The following GPHN variants were observed in gnomAD, a reference collection of about 807,000 sequenced individuals.
GPHN encodes gephyrin.
A neutral mutation model predicts 95.5 loss-of-function variants in GPHN; 17 were observed. That is an observed-to-expected ratio of 0.18 (90% confidence interval 0.12 to 0.27). The LOEUF (loss-of-function observed/expected upper bound fraction) is 0.27. Ranked by LOEUF, GPHN falls within the 10% of genes least tolerant of loss-of-function variation. GPHN has a pLI of 1.00. For missense variants in GPHN, 660 were observed against 978.1 expected (o/e 0.67, Z 4.34); for synonymous variants, 320 against 322.5 (o/e 0.99, Z 0.08).
chr14:66,633,483 T>C (rs2063934769), intron 1 of GPHN, among the ~76,000 whole-genome samples: 1 of 152,190 alleles, frequency 6.6e-6, no homozygotes, highest in Non-Finnish European at 1.5e-5. Flanking sequence ...CATTTTAGTT[T>C]TTTGAGATTT....
At chr14:67,105,035 G>A (rs1407737735) in intron 13 of GPHN, among the ~76,000 whole-genome samples, 4 of 151,816 alleles carry the variant, frequency 2.6e-5, no homozygotes, top group Admixed American at 1.3e-4. Context: ...TTTGTCTGCT[G>A]TGTTTCTATT....
chr14:67,310,321 T>C, the GPHN span, among the ~76,000 whole-genome samples: 1 of 152,304 alleles, frequency 6.6e-6, no homozygotes, highest in South Asian at 2.1e-4. Flanking sequence ...CACAACACTT[T>C]CAAATTTGGT....
chr14:67,350,595 C>T, the GPHN span: 8 of 1,603,210 alleles, frequency 5.0e-6, no homozygotes, highest in East Asian at 2.2e-5. Context: ...CAAAACACCC[C>T]GTTTAGTCCC....
intron 11 of GPHN, among the ~76,000 whole-genome samples, chr14:67,071,897 T>G (rs2153657803): frequency 6.6e-6 from 1 of 152,200 alleles, no homozygotes; most frequent in South Asian, 2.1e-4. Context: ...AAACAATACT[T>G]AATCCAAAAA....
rs141822405 is a variant in GPHN, at chr14:67,047,318, T to TTGTGTG, written c.1007-11321_1007-11316dup. ...CAAAGGCATCTTTTCTTCATTTATT[T>TTGTGTG]TGTGTGTGTGTGTGTTTGTGTGTGT... On this transcript the variant is annotated intron_variant, in intron 10 of 22. Coordinates refer to ENST00000478722, the MANE Select transcript of GPHN (RefSeq NM_020806.5). 6.0e-3 allele frequency among the ~76,000 whole-genome samples: 803 copies of TTGTGTG among 132,856 alleles called. 9 individuals are homozygous for TTGTGTG. Among genetic ancestry groups the TTGTGTG allele is most frequent in the Non-Finnish European group, 7.3e-3 (466 of 64,044 alleles). The allele number at this position is 132,856 out of a possible 152,430, so 87.2% of individuals were successfully genotyped here.
intron 2 of GPHN, among the ~76,000 whole-genome samples, chr14:66,692,652 T>C (rs1035254433): frequency 2.6e-5 from 4 of 152,014 alleles, no homozygotes; most frequent in African/African-American, 9.7e-5. Flanking sequence ...CTAATTACCA[T>C]TTTTATATGA....
intron 8 of GPHN, among the ~76,000 whole-genome samples, chr14:66,935,716 A>G (rs2067093247): frequency 6.6e-6 from 1 of 151,760 alleles, no homozygotes. Context: ...ACATGTGTTT[A>G]TGTGCACGTA....
the GPHN span, among the ~76,000 whole-genome samples, chr14:67,191,955 G>A: frequency 6.6e-6 from 1 of 152,244 alleles, no homozygotes; most frequent in Non-Finnish European, 1.5e-5. Flanking sequence ...TCACCATTCA[G>A]TTGGAACTTG....
At chr14:67,204,753 A>G in the GPHN span, 1 of 1,613,850 alleles carries the variant, frequency 6.2e-7, no homozygotes, top group Non-Finnish European at 8.5e-7. Flanking sequence ...GTCTCTCAGG[A>G]ATTACGAATA....
the GPHN span, chr14:67,695,736 G>A: frequency 6.2e-7 from 1 of 1,604,924 alleles, no homozygotes; most frequent in Non-Finnish European, 8.5e-7. Context: ...AGAGCGGGAT[G>A]CTCCAGCGTT....
the GPHN span, chr14:67,647,294 A>T: frequency 2.9e-6 from 1 of 340,650 alleles, no homozygotes; most frequent in Non-Finnish European, 5.3e-6. Context: ...TGAGATGACA[A>T]GCATTTATTG....
chr14:67,690,984 T>C, the GPHN span: 6 of 641,638 alleles, frequency 9.4e-6, no homozygotes, highest in Non-Finnish European at 1.7e-5. Flanking sequence ...CCCTCAGGTA[T>C]TCCTCAGCTA....
At chr14:66,782,791 CCACTGCA>C (rs1255980206) in intron 3 of GPHN, among the ~76,000 whole-genome samples, 1 of 152,080 alleles carries the variant, frequency 6.6e-6, no homozygotes, top group African/African-American at 2.4e-5. Context: ...TGAGATGGTG[CCACTGCA>C]CTCCACCCTG....
intron 10 of GPHN, among the ~76,000 whole-genome samples, chr14:67,051,587 A>G (rs568616765): frequency 2.6e-5 from 4 of 152,304 alleles, no homozygotes; most frequent in African/African-American, 9.6e-5. Context: ...CCAACATTCA[A>G]ATTCAGGAAA....
At chr14:67,709,137 A>G in the GPHN span, among the ~76,000 whole-genome samples, 1 of 152,384 alleles carries the variant, frequency 6.6e-6, no homozygotes, top group Admixed American at 6.5e-5. Flanking sequence ...GACATAATTT[A>G]TAGTTTGATT....
the GPHN span, among the ~76,000 whole-genome samples, chr14:67,566,158 C>T: frequency 6.6e-6 from 1 of 152,214 alleles, no homozygotes; most frequent in East Asian, 1.9e-4. Context: ...GCACACAGCC[C>T]TAGACTTTTG....
chr14:67,392,727 C>A, the GPHN span: 1 of 1,614,200 alleles, frequency 6.2e-7, no homozygotes, highest in South Asian at 1.1e-5. Context: ...CGAATGGCTC[C>A]CATGCTTCGG....
At chr14:67,318,977 GA>G in the GPHN span, among the ~76,000 whole-genome samples, 1 of 151,730 alleles carries the variant, frequency 6.6e-6, no homozygotes, top group African/African-American at 2.4e-5. Context: ...AGAATGGCGT[GA>G]ACCCGGGAGG....
At chr14:66,593,883 T>G (rs2061863730) in intron 1 of GPHN, among the ~76,000 whole-genome samples, 1 of 152,200 alleles carries the variant, frequency 6.6e-6, no homozygotes, top group African/African-American at 2.4e-5. Context: ...AGTAAAATTG[T>G]CTTTCCTTAT....
Sources: allele counts gnomAD v4.1 joint callset (sites outside exome capture counted in the v4.1 genomes callset), GRCh38; gene constraint gnomAD v4.1.1; transcripts MANE v1.5; gene names NCBI Gene and HGNC (gene_info 2026-07-23, HGNC 2026-07-21).